The following JMJD1C variants were observed in gnomAD, a reference collection of about 807,000 sequenced individuals.
JMJD1C encodes jumonji domain-containing protein 1C.
In JMJD1C, 31 loss-of-function variants were observed where a neutral mutation model predicts 245.3. That is an observed-to-expected ratio of 0.13 (90% CI 0.09 to 0.17). The LOEUF (loss-of-function observed/expected upper bound fraction) is 0.17. Among genes scored for constraint, JMJD1C ranks in the 10% least tolerant of loss-of-function variants. The pLI is 1.00. For synonymous variants in JMJD1C, 1,057 were observed against 1,017.4 expected (o/e 1.04, Z -0.74); for missense variants, 2,691 against 3,000.2 (o/e 0.90, Z 2.41).
At chr10:63,215,746 C>A in intron 5 of JMJD1C, 50 bp from the exon 6 acceptor site, 1 of 1,266,612 alleles carries the variant, frequency 7.9e-7, no homozygotes, top group South Asian at 1.7e-5. Flanking sequence ...ATGAGCTAAT[C>A]AAATATTTGG....
At chr10:63,402,027 G>A (rs1005496525) in intron 1 of JMJD1C, among the ~76,000 whole-genome samples, 4 of 151,762 alleles carry the variant, frequency 2.6e-5, no homozygotes, top group Non-Finnish European at 4.4e-5. Context: ...TCAGCTACTC[G>A]GGAAGCTGAG....
At chr10:63,262,563 T>C (rs1367164274) in intron 3 of JMJD1C, among the ~76,000 whole-genome samples, 1 of 152,172 alleles carries the variant, frequency 6.6e-6, no homozygotes, top group Non-Finnish European at 1.5e-5. Context: ...AGATCCCAAA[T>C]CAAGTGCTCT....
intron 2 of JMJD1C, among the ~76,000 whole-genome samples, chr10:63,317,934 T>G (rs957525673): frequency 6.6e-6 from 1 of 152,116 alleles, no homozygotes; most frequent in Admixed American, 6.5e-5. Flanking sequence ...CACTCCAACC[T>G]CCAAGGCTCA....
intron 1 of JMJD1C, 48 bp downstream of exon 1, chr10:63,465,447 G>A: frequency 2.0e-6 from 3 of 1,520,032 alleles, no homozygotes; most frequent in Non-Finnish European, 2.7e-6. Context: ...GTCTGCGAGA[G>A]CCGGGTGCGG....
intron 1 of JMJD1C, among the ~76,000 whole-genome samples, chr10:63,507,620 G>A (rs1443825159): frequency 6.3e-5 from 7 of 111,980 alleles, no homozygotes; most frequent in Non-Finnish European, 8.3e-5. Context: ...ACTCCTGCCT[G>A]GGCAACAGAG....
intron 2 of JMJD1C, among the ~76,000 whole-genome samples, chr10:63,354,067 T>C (rs970218671): frequency 5.9e-5 from 9 of 151,974 alleles, no homozygotes; most frequent in Non-Finnish European, 1.0e-4. Flanking sequence ...TCTTGATCTG[T>C]TGACTTCATG....
chr10:63,296,003 G>GTGTGTATATA (rs1285499198), intron 2 of JMJD1C, among the ~76,000 whole-genome samples: 4 of 95,722 alleles, frequency 4.2e-5, no homozygotes, highest in African/African-American at 1.2e-4. Context: ...GTGTGTGTGT[G>GTGTGTATATA]TATATATATA....
chr10:63,336,565 G>A (rs1430764787), intron 2 of JMJD1C, among the ~76,000 whole-genome samples: 2 of 151,926 alleles, frequency 1.3e-5, no homozygotes, highest in African/African-American at 2.4e-5. Context: ...TATTTCCTAG[G>A]ATACTTTAAA....
At chr10:63,261,244 A>G (rs1222452561) in intron 3 of JMJD1C, among the ~76,000 whole-genome samples, 1 of 152,166 alleles carries the variant, frequency 6.6e-6, no homozygotes, top group African/African-American at 2.4e-5. Flanking sequence ...ACTATAATAT[A>G]TAATGATTGC....
intron 2 of JMJD1C, among the ~76,000 whole-genome samples, chr10:63,277,626 TG>T (rs1856929146): frequency 6.6e-6 from 1 of 151,708 alleles, no homozygotes; most frequent in Admixed American, 6.6e-5. Context: ...ATATTTTGGG[TG>T]GGGTATCTTG....
chr10:63,480,840 C>G (rs1406349049), intron 1 of JMJD1C, among the ~76,000 whole-genome samples: 1 of 152,108 alleles, frequency 6.6e-6, no homozygotes, highest in Non-Finnish European at 1.5e-5. Context: ...CTTTTTGTGA[C>G]TACCAACAAC....
intron 3 of JMJD1C, among the ~76,000 whole-genome samples, chr10:63,239,781 T>G (rs1008484606): frequency 6.6e-6 from 1 of 152,176 alleles, no homozygotes; most frequent in Non-Finnish European, 1.5e-5. Context: ...GGCATAGATG[T>G]GATTGATCTC....
At chr10:63,396,038 A>C (rs1237061367) in intron 1 of JMJD1C, among the ~76,000 whole-genome samples, 1 of 152,192 alleles carries the variant, frequency 6.6e-6, no homozygotes, top group Non-Finnish European at 1.5e-5. Flanking sequence ...ATTTGTCCTA[A>C]TTTATAAATT....
intron 2 of JMJD1C, among the ~76,000 whole-genome samples, chr10:63,274,701 A>T (rs1470698771): frequency 6.6e-6 from 1 of 152,222 alleles, no homozygotes; most frequent in Non-Finnish European, 1.5e-5. Context: ...TATGGACCTT[A>T]AGACTTTTTT....
chr10:63,187,008 C>T (rs1844208003), intron 18 of JMJD1C, among the ~76,000 whole-genome samples: 1 of 152,114 alleles, frequency 6.6e-6, no homozygotes, highest in Non-Finnish European at 1.5e-5. Context: ...GGAGACACAG[C>T]AAAACCCTGT....
intron 1 of JMJD1C, among the ~76,000 whole-genome samples, chr10:63,447,051 T>C (rs1425192892): frequency 6.9e-6 from 1 of 144,194 alleles, no homozygotes; most frequent in East Asian, 2.0e-4. Flanking sequence ...AAGGACAAAA[T>C]ATCTGTAAGC....
At chr10:63,325,899 T>C (rs1941438576) in intron 2 of JMJD1C, among the ~76,000 whole-genome samples, 1 of 152,236 alleles carries the variant, frequency 6.6e-6, no homozygotes, top group Admixed American at 6.5e-5. Flanking sequence ...ATATTCTATG[T>C]AGATCAACAT....
At chr10:63,225,054 C>CTT (rs1849089557) in intron 3 of JMJD1C, among the ~76,000 whole-genome samples, 1 of 151,438 alleles carries the variant, frequency 6.6e-6, no homozygotes, top group Non-Finnish European at 1.5e-5. Flanking sequence ...GAGCGAGACT[C>CTT]TGTCTCGAAA....
intron 1 of JMJD1C, among the ~76,000 whole-genome samples, chr10:63,501,963 G>A (rs1192653565): frequency 1.3e-5 from 2 of 151,992 alleles, no homozygotes; most frequent in East Asian, 1.9e-4. Context: ...TTTAAAATAC[G>A]GCCAAATTTA....
Sources: gnomAD v4.1 joint callset for allele counts (sites outside exome capture counted in the v4.1 genomes callset) on GRCh38, gnomAD v4.1.1 for gene constraint, MANE v1.5 for transcripts, NCBI Gene and HGNC (gene_info 2026-07-23, HGNC 2026-07-21) for gene names.